ADAM22: variants seen among roughly 807,000 people sequenced by gnomAD.
ADAM22 encodes disintegrin and metalloproteinase domain-containing protein 22.
ADAM22 carries 65 observed loss-of-function variants against 144.6 expected under a neutral mutation model. The observed-to-expected ratio is 0.45, with a 90% CI of 0.37 to 0.55. ADAM22 has a LOEUF of 0.55. ADAM22 is among the 20% of genes least tolerant of loss of function. The pLI is 0.00. For missense variants in ADAM22, 974 were observed against 1,184.9 expected (o/e 0.82, Z 2.61); for synonymous variants, 391 against 412.6 (o/e 0.95, Z 0.63).
chr7:88,027,500 C>A (rs980544888), intron 3 of ADAM22, among the ~76,000 whole-genome samples: 1 of 152,134 alleles, frequency 6.6e-6, no homozygotes, highest in African/African-American at 2.4e-5. Flanking sequence ...TTTCTTCTAG[C>A]TTTTCCAATT....
chr7:87,959,172 G>A (rs1847490331), intron 2 of ADAM22, among the ~76,000 whole-genome samples: 2 of 151,932 alleles, frequency 1.3e-5, no homozygotes, highest in Admixed American at 6.6e-5. Context: ...TAGACTCCAT[G>A]GATTTAAAGC....
chr7:88,108,737 T>TAAAGAAAG (rs146566493), intron 5 of ADAM22, among the ~76,000 whole-genome samples: 2 of 148,640 alleles, frequency 1.3e-5, no homozygotes, highest in African/African-American at 2.5e-5. Context: ...TCAAAAAAAA[T>TAAAGAAAG]AAAGAAAGAA....
chr7:88,063,623 C>T (rs1585368497), intron 3 of ADAM22, among the ~76,000 whole-genome samples: 1 of 152,060 alleles, frequency 6.6e-6, no homozygotes, highest in Non-Finnish European at 1.5e-5. Context: ...CCATTGAAAG[C>T]CCAGGACAGT....
rs1563441063 is a variant in ADAM22 at position 88,193,125 on chromosome 7, T to A, written c.2760T>A (p.Ser920=). ...NTEGPYFRTL[S]PAKSPSSSTG... is the part of the protein sequence containing the mutation. ...GTTCTCAACATCTCAGGACTTTATC[T>A]CCTGCCAAGTCTCCTTCTTCATCAA... Residue 920 remains serine, a synonymous_variant, in exon 31 of 32, where the codon TCT becomes TCA. Coordinates refer to ENST00000413139, the MANE Select transcript of ADAM22 (RefSeq NM_001324418.2). 1.6e-5 allele frequency: 26 copies of A among 1,613,902 alleles called. No individual in the cohort carries two copies. Among genetic ancestry groups the A allele is most frequent in the Non-Finnish European group, 2.1e-5 (25 of 1,179,936 alleles).
chr7:87,988,141 C>T (rs568054692), intron 3 of ADAM22, among the ~76,000 whole-genome samples: 1 of 152,196 alleles, frequency 6.6e-6, no homozygotes, highest in Non-Finnish European at 1.5e-5. Context: ...GAAGTCTCTT[C>T]TTGGAAACTG....
intron 4 of ADAM22, among the ~76,000 whole-genome samples, chr7:88,106,270 C>G (rs1200659964): frequency 1.3e-5 from 2 of 152,122 alleles, no homozygotes; most frequent in Non-Finnish European, 1.5e-5. Context: ...ATCAGTGGCT[C>G]CCCTGGGAAT....
chr7:87,973,639 G>A lies in ADAM22; in HGVS notation c.247-4697G>A, dbSNP rs1480008487. Among the ~76,000 whole-genome samples, 5 of 152,000 alleles carry A rather than the reference G, an allele frequency of 3.3e-5. No homozygotes were observed. The South Asian group carries it at 6.2e-4, about 19-fold the overall frequency. On this transcript the variant is annotated intron_variant, in intron 2 of 31. Transcript: ENST00000413139. ...TGCTGCTATAAAGACACATGCACACGTATGTTTATTGTGGCACTATTCACA... is the reference window on the plus strand; with the variant it reads ...TGCTGCTATAAAGACACATGCACACATATGTTTATTGTGGCACTATTCACA...
chr7:88,119,498 C>T (rs1828682108), intron 7 of ADAM22, among the ~76,000 whole-genome samples: 1 of 151,962 alleles, frequency 6.6e-6, no homozygotes, highest in South Asian at 2.1e-4. Context: ...CCACTTTTTT[C>T]AGGGGTGGGG....
chr7:88,073,165 T>C (rs945897443), intron 3 of ADAM22, among the ~76,000 whole-genome samples: 9 of 152,126 alleles, frequency 5.9e-5, no homozygotes, highest in Non-Finnish European at 1.2e-4. Context: ...TGTCAAAGGA[T>C]TGGTTTAGGA....
rs1554478433 is a variant in ADAM22, at chr7:88,113,676, AAT to A, written c.474-899_474-898del. Among the ~76,000 whole-genome samples the A allele has an allele frequency of 1.9e-3, 227 of 121,564 alleles. 1 individual carries two copies. The highest frequency in any genetic ancestry group is 7.6e-3 in the East Asian group (32 of 4,194). The allele number at this position is 121,564 out of a possible 152,430, so 79.8% of individuals were successfully genotyped here. A position where few individuals can be genotyped will look rare whatever the true frequency, so the allele number is the denominator to read the frequency against. On this transcript the variant is annotated intron_variant, in intron 5 of 31. Transcript: ENST00000413139. ...TATGTGTGTGTGTATATATATATATAATATATATATTATAAATAAATAAATAA... is the reference window on the plus strand; with the variant it reads ...TATGTGTGTGTGTATATATATATATAATATATATTATAAATAAATAAATAA...
chr7:87,985,159 A>G (rs1360752673), intron 3 of ADAM22, among the ~76,000 whole-genome samples: 1 of 151,866 alleles, frequency 6.6e-6, no homozygotes, highest in Non-Finnish European at 1.5e-5. Context: ...TAAAAATACA[A>G]AAAATTATCC....
In ADAM22 at chr7:88,101,210, T is replaced by A. The variant is rs571688072; in HGVS notation, c.391-6966T>A. On this transcript the variant is annotated intron_variant, in intron 4 of 31. Coordinates refer to ENST00000413139, the MANE Select transcript of ADAM22 (RefSeq NM_001324418.2). ...AAAGAGCTTCCCATGTGTTACAATA[T>A]GCTGCCAGGTTGGCAACTACTGTGC... 6.1e-5 allele frequency among the ~76,000 whole-genome samples: 6 copies of A among 98,664 alleles called. No homozygotes were observed. In the South Asian group the frequency reaches 2.2e-3, roughly 37 times the overall value. 64.7% of individuals were successfully genotyped at this position (98,664 alleles called of 152,430 possible).
rs190142262 is a variant in ADAM22 at position 88,034,079 on chromosome 7, C to T, written c.324-41547C>T. 2.6e-5 allele frequency among the ~76,000 whole-genome samples: 4 copies of T among 152,246 alleles called. No homozygotes were observed. The East Asian group carries it at 5.8e-4, about 22-fold the overall frequency. ...GTACCTAAGGTGCAAGACAAAGCCC[C>T]CTTTACTCTTCCCTCTGCTTTTCTC... On this transcript the variant is annotated intron_variant, in intron 3 of 31. Coordinates refer to ENST00000413139, the MANE Select transcript of ADAM22 (RefSeq NM_001324418.2).
intron 3 of ADAM22, among the ~76,000 whole-genome samples, chr7:87,982,068 T>TATATATATAC (rs1244517564): frequency 1.1e-5 from 1 of 93,720 alleles, no homozygotes; most frequent in Non-Finnish European, 1.9e-5. Flanking sequence ...TATATATATA[T>TATATATATAC]ACACACACAC....
intron 3 of ADAM22, among the ~76,000 whole-genome samples, chr7:88,024,977 T>G (rs568107385): frequency 2.6e-5 from 4 of 151,744 alleles, no homozygotes; most frequent in Non-Finnish European, 4.4e-5. Flanking sequence ...TTGGTTCCAA[T>G]TCTTTGCTAT....
chr7:88,004,920 C>T (rs1793426245), intron 3 of ADAM22, among the ~76,000 whole-genome samples: 3 of 151,972 alleles, frequency 2.0e-5, no homozygotes, highest in Admixed American at 1.3e-4. Flanking sequence ...CTTGATTTTC[C>T]AGAGCCCTAA....
intron 4 of ADAM22, among the ~76,000 whole-genome samples, chr7:88,079,381 G>A (rs1029730081): frequency 5.2e-4 from 79 of 152,230 alleles, no homozygotes; most frequent in Non-Finnish European, 9.3e-4. Context: ...GGTACCAGCC[G>A]CTGCAAAAAC....
intron 2 of ADAM22, among the ~76,000 whole-genome samples, chr7:87,963,326 C>T (rs1254399874): frequency 6.6e-6 from 1 of 152,096 alleles, no homozygotes; most frequent in East Asian, 1.9e-4. Context: ...GAGCGACAAC[C>T]CACCCAGTTT....
chr7:88,110,596 T>G (rs2129488151), intron 5 of ADAM22, among the ~76,000 whole-genome samples: 1 of 151,710 alleles, frequency 6.6e-6, no homozygotes, highest in South Asian at 2.1e-4. Context: ...GCACGGTGGC[T>G]CACCCCTGTA....
Sources: gnomAD v4.1 joint callset for allele counts (sites outside exome capture counted in the v4.1 genomes callset) on GRCh38, gnomAD v4.1.1 for gene constraint, MANE v1.5 for transcripts, NCBI Gene and HGNC (gene_info 2026-07-23, HGNC 2026-07-21) for gene names.